SGMS1: variants seen among roughly 807,000 people sequenced by gnomAD.
SGMS1 encodes sphingomyelin synthase 1.
In SGMS1, 13 loss-of-function variants were observed where a neutral mutation model predicts 46.2. The ratio of observed to expected loss-of-function variants is 0.28; its 90% CI spans 0.18 to 0.45. The LOEUF is 0.45. SGMS1 is among the 20% of genes least tolerant of loss of function. SGMS1 has a pLI of 1.00. For missense variants in SGMS1, 324 were observed against 519.9 expected, an observed-to-expected ratio of 0.62 and a Z score of 3.66; for synonymous variants, 203 against 187.8, an observed-to-expected ratio of 1.08 and a Z score of -0.66.
intron 6 of SGMS1, among the ~76,000 whole-genome samples, chr10:50,376,667 G>A (rs1848526495): frequency 6.6e-6 from 1 of 152,156 alleles, no homozygotes; most frequent in South Asian, 2.1e-4. Flanking sequence ...CCACCTATGA[G>A]TGAGAACATG....
intron 1 of SGMS1, among the ~76,000 whole-genome samples, chr10:50,602,790 A>G (rs772060912): frequency 1.4e-4 from 22 of 152,376 alleles, no homozygotes; most frequent in Middle Eastern, 3.4e-3. Context: ...TAACAATAAA[A>G]AAATTTGTAA....
chr10:50,365,741 C>T (rs909284461), intron 6 of SGMS1, among the ~76,000 whole-genome samples: 2 of 152,132 alleles, frequency 1.3e-5, no homozygotes, highest in Admixed American at 6.6e-5. Context: ...GCTTCATCCA[C>T]GTCCCTGCAA....
chr10:50,408,186 G>A (rs1213131946), intron 6 of SGMS1, among the ~76,000 whole-genome samples: 2 of 152,204 alleles, frequency 1.3e-5, no homozygotes. Context: ...ATGGTCCTCT[G>A]TAATCTGAGG....
chr10:50,311,431 A>G lies in SGMS1; in HGVS notation c.742-16T>C. 1 of 1,609,832 alleles carries G rather than the reference A, an allele frequency of 6.2e-7. No individual in the cohort carries two copies. Among genetic ancestry groups the G allele is most frequent in the Non-Finnish European group, 8.5e-7 (1 of 1,178,060 alleles). On this transcript the variant is annotated splice_polypyrimidine_tract_variant and intron_variant, in intron 8 of 10. Transcript: ENST00000361781. ...CTCCGAAAAGCTGGCAGAAAAAAAG[A>G]AAAGAAGAAAAAGAAGATTCATTAC...
intron 6 of SGMS1, among the ~76,000 whole-genome samples, chr10:50,384,527 G>C: frequency 6.7e-6 from 1 of 150,206 alleles, no homozygotes; most frequent in East Asian, 2.0e-4. Context: ...TCTCTGAAAT[G>C]CAAGTGGTGC....
At chr10:50,532,224 A>ACT (rs1564425624) in intron 2 of SGMS1, among the ~76,000 whole-genome samples, 1 of 89,424 alleles carries the variant, frequency 1.1e-5, no homozygotes, top group Admixed American at 1.2e-4. Flanking sequence ...TCTGAATGAG[A>ACT]CTGTGTGTGT....
chr10:50,388,510 T>G (rs1848717017), intron 6 of SGMS1, among the ~76,000 whole-genome samples: 2 of 144,682 alleles, frequency 1.4e-5, no homozygotes, highest in Non-Finnish European at 1.5e-5. Flanking sequence ...CCAGGCATGA[T>G]GGTGGGTGCC....
chr10:50,625,068 C>G, upstream of SGMS1: 1 of 994,008 alleles, frequency 1.0e-6, no homozygotes, highest in Non-Finnish European at 1.2e-6. Context: ...GGCCACCGCT[C>G]GGCACCTGCC....
intron 8 of SGMS1, among the ~76,000 whole-genome samples, chr10:50,325,878 TG>T (rs1231420340): frequency 2.0e-5 from 3 of 152,190 alleles, no homozygotes; most frequent in Admixed American, 6.5e-5. Context: ...GAGAACATGC[TG>T]CTTATCAAGC....
chr10:50,489,875 G>A (rs1837553431), intron 3 of SGMS1, among the ~76,000 whole-genome samples: 1 of 152,214 alleles, frequency 6.6e-6, no homozygotes, highest in Non-Finnish European at 1.5e-5. Flanking sequence ...TTGGGAGGCT[G>A]AGGCAAGAGA....
intron 8 of SGMS1, among the ~76,000 whole-genome samples, chr10:50,313,591 G>A (rs1564871314): frequency 6.6e-6 from 1 of 152,196 alleles, no homozygotes; most frequent in Non-Finnish European, 1.5e-5. Context: ...GTTTGGTCCA[G>A]TTCTGTTATA....
At chr10:50,513,311 C>T (rs1837773660) in intron 3 of SGMS1, among the ~76,000 whole-genome samples, 1 of 152,174 alleles carries the variant, frequency 6.6e-6, no homozygotes, top group Non-Finnish European at 1.5e-5. Context: ...GGTAGAAGTG[C>T]CCCTTTCAGC....
chr10:50,582,369 C>T (rs1300491294), intron 2 of SGMS1, among the ~76,000 whole-genome samples: 2 of 152,172 alleles, frequency 1.3e-5, no homozygotes, highest in Non-Finnish European at 2.9e-5. Flanking sequence ...TTCTCAACAA[C>T]TGTGGGAAAA....
intron 2 of SGMS1, among the ~76,000 whole-genome samples, chr10:50,552,515 A>G (rs1432969080): frequency 1.3e-5 from 2 of 152,244 alleles, no homozygotes; most frequent in African/African-American, 4.8e-5. Context: ...AAAGAGGGAT[A>G]TATTACACAA....
intron 2 of SGMS1, among the ~76,000 whole-genome samples, chr10:50,522,409 T>C (rs1254715925): frequency 6.6e-6 from 1 of 152,200 alleles, no homozygotes; most frequent in Non-Finnish European, 1.5e-5. Context: ...AAGCACTGGT[T>C]CCTTTCCAAG....
At chr10:50,444,263 A>G (rs1836980310) in intron 5 of SGMS1, among the ~76,000 whole-genome samples, 1 of 152,200 alleles carries the variant, frequency 6.6e-6, no homozygotes, top group Non-Finnish European at 1.5e-5. Flanking sequence ...AGTCACAGAT[A>G]AACATGTAAT....
At chr10:50,510,939 T>C (rs1039352769) in intron 3 of SGMS1, among the ~76,000 whole-genome samples, 1 of 152,210 alleles carries the variant, frequency 6.6e-6, no homozygotes, top group Non-Finnish European at 1.5e-5. Flanking sequence ...AAGCACATTA[T>C]GTATTGAAAA....
intron 5 of SGMS1, among the ~76,000 whole-genome samples, chr10:50,459,200 C>A (rs1837234092): frequency 6.6e-6 from 1 of 152,042 alleles, no homozygotes; most frequent in South Asian, 2.1e-4. Context: ...GACATCAGAG[C>A]CTATGTGAGA....
intron 3 of SGMS1, among the ~76,000 whole-genome samples, chr10:50,494,427 C>T (rs1023076938): frequency 2.0e-5 from 3 of 152,290 alleles, no homozygotes; most frequent in East Asian, 3.9e-4. Flanking sequence ...ATACATACAA[C>T]GTTGTATACT....
Sources: allele counts gnomAD v4.1 joint callset (sites outside exome capture counted in the v4.1 genomes callset), GRCh38; gene constraint gnomAD v4.1.1; transcripts MANE v1.5; gene names NCBI Gene and HGNC (gene_info 2026-07-23, HGNC 2026-07-21).